Variants in SCN9A observed in about 807,000 individuals in gnomAD.
SCN9A encodes sodium channel protein type 9 subunit alpha.
SCN9A carries 131 observed loss-of-function variants against 187.0 expected under a neutral mutation model. That is an observed-to-expected ratio of 0.70 (90% CI 0.61 to 0.81). SCN9A has a LOEUF of 0.81. Ranked by LOEUF, SCN9A falls within the 30% of genes least tolerant of loss-of-function variation. The pLI is 0.00. For synonymous variants in SCN9A, 809 were observed against 808.6 expected, an observed-to-expected ratio of 1.00 and a Z score of -0.01; for missense variants, 2,252 against 2,396.6, an observed-to-expected ratio of 0.94 and a Z score of 1.26.
At chr2:166,344,737 G>C (rs142559100) in intron 1 of SCN9A, among the ~76,000 whole-genome samples, 1 of 152,058 alleles carries the variant, frequency 6.6e-6, no homozygotes, top group Non-Finnish European at 1.5e-5. Context: ...ACAATCCTTT[G>C]TGCAAACAGG....
intron 19 of SCN9A, among the ~76,000 whole-genome samples, chr2:166,240,297 C>T (rs1695508564): frequency 6.6e-6 from 1 of 152,082 alleles, no homozygotes; most frequent in South Asian, 2.1e-4. Context: ...TTTGAGGGTA[C>T]ATGTGAAGGT....
intron 17 of SCN9A, among the ~76,000 whole-genome samples, chr2:166,270,455 G>T (rs1169390668): frequency 1.3e-5 from 2 of 151,670 alleles, no homozygotes; most frequent in East Asian, 1.9e-4. Flanking sequence ...GATATCGAGG[G>T]ATGACTAGAT....
At chr2:166,272,229 A>G (rs1697022422) in intron 17 of SCN9A, among the ~76,000 whole-genome samples, 170 bp downstream of exon 17, 1 of 152,154 alleles carries the variant, frequency 6.6e-6, no homozygotes, top group Non-Finnish European at 1.5e-5. Context: ...AACTAGTAAG[A>G]AAACTTTACC....
intron 1 of SCN9A, among the ~76,000 whole-genome samples, chr2:166,336,444 T>TG (rs758691949): frequency 1.6e-4 from 25 of 152,206 alleles, no homozygotes; most frequent in Non-Finnish European, 2.9e-4. Context: ...CATGGGAACA[T>TG]GGAGGAAGAA....
At chr2:166,279,801 A>G (rs1697396508) in intron 14 of SCN9A, among the ~76,000 whole-genome samples, 1 of 151,918 alleles carries the variant, frequency 6.6e-6, no homozygotes, top group Non-Finnish European at 1.5e-5. Flanking sequence ...AGTTACAATT[A>G]TATTATAAAT....
At chr2:166,222,940 AACAAC>A (rs1482205638) in intron 24 of SCN9A, among the ~76,000 whole-genome samples, 8 of 108,584 alleles carry the variant, frequency 7.4e-5, no homozygotes, top group African/African-American at 2.5e-4. Flanking sequence ...CAAAAAAAAA[AACAAC>A]AAAAAAAAAA....
chr2:166,237,481 G>A (rs1329895898), intron 20 of SCN9A, among the ~76,000 whole-genome samples: 1 of 152,070 alleles, frequency 6.6e-6, no homozygotes, highest in African/African-American at 2.4e-5. Context: ...CCATTCTGGA[G>A]ATGAAGGGCA....
At chr2:166,359,330 G>C (rs1447834932) in intron 1 of SCN9A, among the ~76,000 whole-genome samples, 2 of 152,046 alleles carry the variant, frequency 1.3e-5, no homozygotes, top group Non-Finnish European at 2.9e-5. Context: ...TAAGCACTCT[G>C]ACTCTTTTTT....
Position 166,226,573 on chromosome 2 carries a change from T to C in SCN9A, c.4392A>G (p.Lys1464=), listed in dbSNP as rs1256500000. 2 of 1,546,984 alleles carry C rather than the reference T, an allele frequency of 1.3e-6. No individual in the cohort carries two copies. Among genetic ancestry groups the C allele is most frequent in the African/African-American group, 2.7e-5 (2 of 73,480 alleles). The change falls in exon 24 of 27, where the codon AAA becomes AAG. Residue 1464 remains lysine, a synonymous_variant. Coordinates refer to ENST00000642356, the MANE Select transcript of SCN9A (RefSeq NM_001365536.1). The part of the protein sequence containing the change: ...GVIIDNFNQQ[K]KKLGGQDIFM... Reference sequence around the variant, plus strand: ...AAATATTTGAAATACTTATCTTCTTTTTCTGTTGGTTGAAATTATCTATGA... The same window carrying C: ...AAATATTTGAAATACTTATCTTCTTCTTCTGTTGGTTGAAATTATCTATGA...
chr2:166,243,478 A>T (rs1013847021), intron 18 of SCN9A, among the ~76,000 whole-genome samples: 1 of 152,068 alleles, frequency 6.6e-6, no homozygotes, highest in African/African-American at 2.4e-5. Context: ...GCATGGAAGA[A>T]ATCAATCTCA....
At chr2:166,319,839 A>G (rs1316577787) in intron 1 of SCN9A, among the ~76,000 whole-genome samples, 1 of 152,110 alleles carries the variant, frequency 6.6e-6, no homozygotes, top group Non-Finnish European at 1.5e-5. Context: ...GGTGAGGGAA[A>G]AGTTGGAGAG....
intron 10 of SCN9A, 53 bp downstream of exon 10, chr2:166,288,384 G>A: frequency 6.9e-7 from 1 of 1,450,650 alleles, no homozygotes; most frequent in African/African-American, 1.4e-5. Context: ...AGCCTCTGTT[G>A]TAACCGTTTG....
chr2:166,277,998 A>T, intron 15 of SCN9A, 142 bp downstream of exon 15: 2 of 614,740 alleles, frequency 3.3e-6, no homozygotes, highest in Non-Finnish European at 5.4e-6. Context: ...TGCATTTGTC[A>T]ATGAATGGAT....
chr2:166,375,446 A>G (rs1308942803), intron 1 of SCN9A, among the ~76,000 whole-genome samples: 3 of 152,174 alleles, frequency 2.0e-5, no homozygotes, highest in Admixed American at 1.3e-4. Flanking sequence ...CAGCAAACCC[A>G]CAGAGTCAAA....
At chr2:166,290,735 T>C (rs538778114) in intron 9 of SCN9A, among the ~76,000 whole-genome samples, 2 of 152,128 alleles carry the variant, frequency 1.3e-5, no homozygotes, top group East Asian at 1.9e-4. Flanking sequence ...TCTGTTCATA[T>C]CCTTTGCCCA....
chr2:166,217,401 C>A (rs1376829230), intron 24 of SCN9A, among the ~76,000 whole-genome samples: 1 of 151,852 alleles, frequency 6.6e-6, no homozygotes, highest in African/African-American at 2.4e-5. Context: ...GCAAACGAAG[C>A]AATAACAGAG....
At chr2:166,297,646 G>A (rs1309596884) in intron 7 of SCN9A, among the ~76,000 whole-genome samples, 1 of 151,788 alleles carries the variant, frequency 6.6e-6, no homozygotes, top group African/African-American at 2.4e-5. Context: ...ACGGGCCCTG[G>A]GTTTCTTGGT....
rs1697891123 is a variant in SCN9A, at chr2:166,288,492, T to C, written c.1259A>G (p.Glu420Gly). Reference protein sequence around the residue: ...QANIEEAKQKELEFQQMLDRL... With the variant: ...QANIEEAKQKGLEFQQMLDRL... ...GTCTAACATCTGTTGAAATTCTAAT[T>C]CTTTCTGTTTAGCTTCTTCAATGTT... Residue 420 changes from glutamate (E) to glycine (G), a missense_variant, in exon 10 of 27, where the codon GAA (glutamate) becomes GGA (glycine). Coordinates refer to ENST00000642356, the MANE Select transcript of SCN9A (RefSeq NM_001365536.1). The C allele has an allele frequency of 6.2e-7, 1 of 1,613,134 alleles. No homozygotes were observed. Among genetic ancestry groups the C allele is most frequent in the African/African-American group, 1.3e-5 (1 of 74,880 alleles).
intron 1 of SCN9A, among the ~76,000 whole-genome samples, chr2:166,313,010 A>G (rs1432724011): frequency 6.8e-6 from 1 of 146,722 alleles, no homozygotes; most frequent in Non-Finnish European, 1.5e-5. Flanking sequence ...TTTCTGAATA[A>G]TTAAATAATA....
Sources: allele counts gnomAD v4.1 joint callset (sites outside exome capture counted in the v4.1 genomes callset), GRCh38; gene constraint gnomAD v4.1.1; transcripts MANE v1.5; gene names NCBI Gene and HGNC (gene_info 2026-07-23, HGNC 2026-07-21).